The following SLC25A47 variants were observed in gnomAD, a reference collection of about 807,000 sequenced individuals.
The protein encoded by SLC25A47 is solute carrier family 25 member 47, also known as HCC-down-regulated mitochondrial carrier protein.
Under a neutral mutation model 29.8 loss-of-function variants are expected in SLC25A47, and 30 were observed. That is an observed-to-expected ratio of 1.01 (90% CI 0.75 to 1.36). SLC25A47 has a LOEUF of 1.36. Among genes scored for constraint, SLC25A47 ranks in the 40% most tolerant of loss-of-function variants. The pLI, the probability that SLC25A47 is intolerant of heterozygous loss-of-function variation, is 0.00. For synonymous variants in SLC25A47, 204 were observed against 197.8 expected (o/e 1.03, Z -0.26); for missense variants, 430 against 441.9 (o/e 0.97, Z 0.24).
intron 1 of SLC25A47, among the ~76,000 whole-genome samples, chr14:100,323,689 T>A (rs1305454204): frequency 6.6e-6 from 1 of 151,708 alleles, no homozygotes; most frequent in Non-Finnish European, 1.5e-5. Flanking sequence ...GGGATGGGGC[T>A]GTGGTCTAGG....
At chr14:100,324,756 T>A (rs1231101214) in intron 1 of SLC25A47, among the ~76,000 whole-genome samples, 2 of 152,168 alleles carry the variant, frequency 1.3e-5, no homozygotes, top group Non-Finnish European at 2.9e-5. Flanking sequence ...ACTCCAGTTC[T>A]GGAGGTGGCG....
In SLC25A47 at chr14:100,328,604, T is replaced by C; in HGVS notation, c.328-122T>C. On this transcript the variant is annotated intron_variant, in intron 4 of 5. Transcript: ENST00000361529. ...GTGGCCCCCCAGCCCTGGGCCAGCC[T>C]GCAGGGTCTCGGGGCCCAACCTCCT... is the stretch of plus-strand genomic sequence containing the variant. The C allele has an allele frequency of 7.7e-6, 8 of 1,036,860 alleles. 1 individual carries two copies. In the South Asian group the frequency reaches 1.1e-4, roughly 14 times the overall value. The allele number at this position is 1,036,860 out of a possible 1,614,324, so 64.2% of individuals were successfully genotyped here.
At chr14:100,325,980 C>A (rs1893332501) in intron 2 of SLC25A47, 149 bp downstream of exon 2, 3 of 1,003,142 alleles carry the variant, frequency 3.0e-6, no homozygotes, top group African/African-American at 1.6e-5. Context: ...ATGTCAGTCC[C>A]ACTTTCTCAC....
At position 100,327,323 on chromosome 14, in the gene SLC25A47, A is replaced by C; in HGVS notation, c.280A>C (p.Thr94Pro). 6.2e-7 allele frequency: 1 copy of C among 1,602,310 alleles called. No individual in the cohort carries two copies. The highest frequency in any genetic ancestry group is 1.3e-5 in the African/African-American group (1 of 75,022). ...LRYGNPDAKP[T>P]KADITLSGCA... ...GTACGGCAACCCTGACGCCAAGCCC[A>C]CCAAGGCCGACATCACGCTCTCGGG... Residue 94 changes from threonine (T) to proline (P), a missense_variant, in exon 4 of 6, where the codon ACC becomes CCC. Thr to Pro is a conservative substitution (Grantham distance 38). Transcript: ENST00000361529.
In SLC25A47 at chr14:100,329,867, G is replaced by C; in HGVS notation, c.*222G>C. 1.6e-6 allele frequency: 1 copy of C among 632,678 alleles called. No homozygotes were observed. Among genetic ancestry groups the C allele is most frequent in the Non-Finnish European group, 2.7e-6 (1 of 372,248 alleles). The allele number at this position is 632,678 out of a possible 1,614,324, so 39.2% of individuals were successfully genotyped here. On this transcript the variant is annotated 3_prime_UTR_variant, in exon 6 of 6. Transcript: ENST00000361529. ...CCAGCCATCAGCCAGGGTTGGCCTA[G>C]GGTGGCAGGAGCCAGGGAGGAGTGG... is the stretch of plus-strand genomic sequence containing the variant.
At chr14:100,329,185 A>G (rs779138647) in intron 5 of SLC25A47, 141 bp downstream of exon 5, 73 of 1,212,536 alleles carry the variant, frequency 6.0e-5, no homozygotes, top group Non-Finnish European at 8.0e-5. Context: ...CAGTTCTCCC[A>G]ACACCAAGAG....
chr14:100,325,699 G>A (rs1893325168), intron 1 of SLC25A47, 89 bp from the exon 2 acceptor site: 2 of 1,385,060 alleles, frequency 1.4e-6, no homozygotes, highest in Non-Finnish European at 2.0e-6. Context: ...AGCCCAGTCA[G>A]CGTGCGCTCT....
chr14:100,328,858 TGCCCAGA>T lies in SLC25A47; in HGVS notation c.466_472del (p.Glu156SerfsTer12). The T allele has an allele frequency of 6.2e-7, 1 of 1,612,438 alleles. No individual in the cohort carries two copies. Among genetic ancestry groups the T allele is most frequent in the Non-Finnish European group, 8.5e-7 (1 of 1,179,740 alleles). ...CCCCATGTGTCCTGTGCCCCCAGCCTGCCCAGAGCCCAAGTACCGCGGGCCACTGCAC... is the reference window on the plus strand; with the variant it reads ...CCCCATGTGTCCTGTGCCCCCAGCCTGCCCAAGTACCGCGGGCCACTGCAC... On this transcript the variant is annotated frameshift_variant, in exon 5 of 6. Coordinates refer to ENST00000361529, the MANE Select transcript of SLC25A47 (RefSeq NM_207117.4). LOFTEE classifies it high-confidence loss of function.
Position 100,327,187 on chromosome 14 carries a change from G to A in SLC25A47, c.145-1G>A, listed in dbSNP as rs755452398. 8 of 1,601,386 alleles carry A rather than the reference G, an allele frequency of 5.0e-6. No individual in the cohort carries two copies. The highest frequency in any genetic ancestry group is 6.8e-6 in the Non-Finnish European group (8 of 1,174,530). The stretch of plus-strand genomic sequence containing the variant: ...AGCCTGACCTGGATCCTGTCTGCTA[G>A]GTGTGGGGCTTCTACCGGGGCCTCT... On this transcript the variant is annotated splice_acceptor_variant, in intron 3 of 5. Transcript: ENST00000361529. LOFTEE classifies it high-confidence loss of function.
At chr14:100,328,243 C>G (rs1328371332) in intron 4 of SLC25A47, among the ~76,000 whole-genome samples, 21 of 151,870 alleles carry the variant, frequency 1.4e-4, no homozygotes, top group Non-Finnish European at 2.9e-5. Context: ...TCCTGAGTAG[C>G]TGGGACTACA....
Position 100,323,355 on chromosome 14 carries a change from TG to T in SLC25A47, c.-58del. ...CAGCTGGGAGCTGTTGAGGCCACCC[TG>T]GTGGCACCAAAGCCCTCTCAGGCAG... On this transcript the variant is annotated 5_prime_UTR_variant, in exon 1 of 6. Coordinates refer to ENST00000361529, the MANE Select transcript of SLC25A47 (RefSeq NM_207117.4). 6.2e-7 allele frequency: 1 copy of T among 1,600,566 alleles called. No homozygotes were observed. The highest frequency in any genetic ancestry group is 8.5e-7 in the Non-Finnish European group (1 of 1,170,420).
At chr14:100,329,102 G>A in intron 5 of SLC25A47, 58 bp downstream of exon 5, 1 of 1,555,584 alleles carries the variant, frequency 6.4e-7, no homozygotes, top group African/African-American at 1.4e-5. Context: ...GGAGGTCAAG[G>A]TGAGGTCGTG....
At chr14:100,327,153 C>T (rs1358310788) in intron 3 of SLC25A47, 35 bp from the exon 4 acceptor site, 8 of 1,552,514 alleles carry the variant, frequency 5.2e-6, no homozygotes, top group Non-Finnish European at 6.1e-6. Context: ...CTCCTCCTGG[C>T]GGGGCCCTAG....
At position 100,329,418 on chromosome 14, in the gene SLC25A47, G is replaced by A. The variant is rs767190787; in HGVS notation, c.700G>A (p.Val234Met). Residue 234 changes from valine to methionine, a missense_variant, in exon 6 of 6, where the codon GTG (valine) becomes ATG (methionine). Transcript: ENST00000361529. ...CTGTGCAGGAGTCCTGGCCTGGGCTGTGGCCACCCCCATGGACGTGATCAA... is the reference window on the plus strand; with the variant it reads ...CTGTGCAGGAGTCCTGGCCTGGGCTATGGCCACCCCCATGGACGTGATCAA... ...GGCAGVLAWA[V>M]ATPMDVIKSR... 2 of 1,613,000 alleles carry A rather than the reference G, an allele frequency of 1.2e-6. No homozygotes were observed. The highest frequency in any genetic ancestry group is 1.7e-6 in the Non-Finnish European group (2 of 1,179,954).
chr14:100,327,455 G>A lies in SLC25A47; in HGVS notation c.327+85G>A. On this transcript the variant is annotated intron_variant, in intron 4 of 5. Coordinates refer to ENST00000361529, the MANE Select transcript of SLC25A47 (RefSeq NM_207117.4). ...ATCCATCCTGGCAGGTGGGGAAACT[G>A]AGGCTTGATGAGGGCAGACACTGGA... The A allele has an allele frequency of 2.1e-6, 3 of 1,396,738 alleles. No individual in the cohort carries two copies. In the East Asian group the frequency reaches 7.2e-5, roughly 33 times the overall value. The allele number at this position is 1,396,738 out of a possible 1,614,324, so 86.5% of individuals were successfully genotyped here.
At position 100,324,689 on chromosome 14, in the gene SLC25A47, C is replaced by T. The variant is rs115284119; in HGVS notation, c.29-1099C>T. Among the ~76,000 whole-genome samples, 7 of 152,316 alleles carry T rather than the reference C, an allele frequency of 4.6e-5. No individual in the cohort carries two copies. In the East Asian group the frequency reaches 7.7e-4, roughly 17 times the overall value. On this transcript the variant is annotated intron_variant, in intron 1 of 5. Transcript: ENST00000361529. ...TGAGGAGGCCTAGGTAAAGGGCTCTCACTCTGTGCCTGGCCCTGGGTCATG... is the reference window on the plus strand; with the variant it reads ...TGAGGAGGCCTAGGTAAAGGGCTCTTACTCTGTGCCTGGCCCTGGGTCATG...
Position 100,328,877 on chromosome 14 carries a change from G to A in SLC25A47, c.479G>A (p.Arg160His), listed in dbSNP as rs768203496. 1.7e-5 allele frequency: 28 copies of A among 1,611,712 alleles called. No homozygotes were observed. The highest frequency in any genetic ancestry group is 1.6e-4 in the Middle Eastern group (1 of 6,084). Residue 160 changes from arginine to histidine, a missense_variant, in exon 5 of 6, where the codon CGC (arginine) becomes CAC (histidine). Coordinates refer to ENST00000361529, the MANE Select transcript of SLC25A47 (RefSeq NM_207117.4). ...VPPACPEPKYRGPLHCLATVA... is the reference protein window; with the variant it reads ...VPPACPEPKYHGPLHCLATVA... Reference sequence around the variant, plus strand: ...CCAGCCTGCCCAGAGCCCAAGTACCGCGGGCCACTGCACTGCCTGGCCACG... The same window carrying A: ...CCAGCCTGCCCAGAGCCCAAGTACCACGGGCCACTGCACTGCCTGGCCACG...
chr14:100,328,261 G>A (rs944914033), intron 4 of SLC25A47, among the ~76,000 whole-genome samples: 2 of 151,972 alleles, frequency 1.3e-5, no homozygotes, highest in Non-Finnish European at 2.9e-5. Flanking sequence ...ACAGGCACGC[G>A]CCACCAAGCC....
chr14:100,329,134 G>A, intron 5 of SLC25A47, 90 bp downstream of exon 5: 2 of 1,448,454 alleles, frequency 1.4e-6, no homozygotes, highest in Non-Finnish European at 9.3e-7. Flanking sequence ...TACCCGAGTG[G>A]GGGCTTGAAC....
Sources: allele counts gnomAD v4.1 joint callset (sites outside exome capture counted in the v4.1 genomes callset), GRCh38; gene constraint gnomAD v4.1.1; transcripts MANE v1.5; gene names NCBI Gene and HGNC (gene_info 2026-07-23, HGNC 2026-07-21).